The following HS2ST1 variants were observed in gnomAD, a reference collection of about 807,000 sequenced individuals.
The protein encoded by HS2ST1 is 2-O-sulfotransferase.
Under a neutral mutation model 42.9 loss-of-function variants are expected in HS2ST1, and 18 were observed. That is an observed-to-expected ratio of 0.42 (90% CI 0.29 to 0.62). The LOEUF is 0.62. Among genes scored for constraint, HS2ST1 ranks in the 20% least tolerant of loss-of-function variants. HS2ST1 has a pLI of 0.21. For missense variants in HS2ST1, 334 were observed against 433.8 expected (o/e 0.77, Z 2.04); for synonymous variants, 146 against 152.9 (o/e 0.95, Z 0.33).
At chr1:86,990,836 ATTT>A (rs55739816) in intron 1 of HS2ST1, among the ~76,000 whole-genome samples, 930 of 44,040 alleles carry the variant, frequency 0.021, 21 homozygotes, top group Middle Eastern at 0.05. Context: ...ATATATATAT[ATTT>A]TTTTTTTTTT....
chr1:87,044,819 C>G, intron 1 of HS2ST1: 1 of 609,704 alleles, frequency 1.6e-6, no homozygotes, highest in Non-Finnish European at 2.8e-6. Flanking sequence ...GAATCATTTT[C>G]AAGTCACTGG....
chr1:87,012,340 G>C (rs996227799), intron 1 of HS2ST1, among the ~76,000 whole-genome samples: 3 of 152,088 alleles, frequency 2.0e-5, no homozygotes, highest in African/African-American at 7.2e-5. Flanking sequence ...AAGGTGAAGG[G>C]GAAGCAAGAC....
intron 1 of HS2ST1, among the ~76,000 whole-genome samples, chr1:87,044,084 A>ACTAG (rs1650584643): frequency 6.6e-6 from 1 of 152,114 alleles, no homozygotes; most frequent in Admixed American, 6.6e-5. Context: ...GGTAGTAAAT[A>ACTAG]CTAGCACTAT....
intron 1 of HS2ST1, among the ~76,000 whole-genome samples, chr1:86,955,247 T>C (rs1429030508): frequency 6.6e-6 from 1 of 152,188 alleles, no homozygotes; most frequent in Non-Finnish European, 1.5e-5. Context: ...ATAGGGAATA[T>C]TGAGTCATGT....
At chr1:86,930,349 A>T (rs1426242239) in intron 1 of HS2ST1, among the ~76,000 whole-genome samples, 1 of 151,932 alleles carries the variant, frequency 6.6e-6, no homozygotes, top group African/African-American at 2.4e-5. Context: ...ATACCTTTAA[A>T]ACTTTAAAAA....
chr1:86,928,071 C>A (rs183555568), intron 1 of HS2ST1, among the ~76,000 whole-genome samples: 1 of 151,982 alleles, frequency 6.6e-6, no homozygotes, highest in African/African-American at 2.4e-5. Flanking sequence ...AAACTAACTG[C>A]GCAGCATAAA....
chr1:87,015,529 G>A (rs10873815), intron 1 of HS2ST1, among the ~76,000 whole-genome samples: 105,522 of 151,284 alleles, frequency 0.7, 39,020 homozygotes, highest in East Asian at 0.97. Flanking sequence ...TATTTTTAGT[G>A]GAGACAGGGT....
At chr1:87,099,453 G>A (rs1271584369) in intron 5 of HS2ST1, among the ~76,000 whole-genome samples, 7 of 152,134 alleles carry the variant, frequency 4.6e-5, no homozygotes, top group Non-Finnish European at 8.8e-5. Context: ...TGAACTGAGC[G>A]AGAGCTCAGT....
chr1:86,950,965 C>T (rs910960598), intron 1 of HS2ST1, among the ~76,000 whole-genome samples: 1 of 152,026 alleles, frequency 6.6e-6, no homozygotes, highest in Admixed American at 6.5e-5. Flanking sequence ...CAGTCCTTTC[C>T]AGAGAAATTG....
At chr1:86,940,046 C>A (rs553720505) in intron 1 of HS2ST1, among the ~76,000 whole-genome samples, 1 of 152,236 alleles carries the variant, frequency 6.6e-6, no homozygotes, top group Admixed American at 6.5e-5. Context: ...AGTGTGCCTT[C>A]TAGGTTTTTT....
At chr1:87,031,285 G>C (rs561116895) in intron 1 of HS2ST1, among the ~76,000 whole-genome samples, 1 of 152,144 alleles carries the variant, frequency 6.6e-6, no homozygotes, top group Non-Finnish European at 1.5e-5. Context: ...GCCTATATCC[G>C]TGGAAATACT....
intron 1 of HS2ST1, among the ~76,000 whole-genome samples, chr1:86,948,266 C>A (rs1342660207): frequency 3.9e-5 from 6 of 152,018 alleles, no homozygotes; most frequent in Admixed American, 3.9e-4. Flanking sequence ...TTTGCTGGGG[C>A]TTTTTTCATT....
chr1:86,972,841 A>G (rs1361667566), intron 1 of HS2ST1, among the ~76,000 whole-genome samples: 1 of 152,206 alleles, frequency 6.6e-6, no homozygotes, highest in East Asian at 1.9e-4. Flanking sequence ...TGATCAGGAT[A>G]TAATCCAGGA....
chr1:86,979,604 T>C (rs753205016), intron 1 of HS2ST1, among the ~76,000 whole-genome samples: 10 of 152,260 alleles, frequency 6.6e-5, no homozygotes, highest in Non-Finnish European at 1.0e-4. Flanking sequence ...TCCATTCATC[T>C]ATTCACGGAC....
At chr1:86,961,051 CTG>C (rs1188026217) in intron 1 of HS2ST1, among the ~76,000 whole-genome samples, 9 of 151,892 alleles carry the variant, frequency 5.9e-5, no homozygotes, top group Non-Finnish European at 1.3e-4. Context: ...GATAAACAAA[CTG>C]TGGTACATCC....
Position 87,104,638 on chromosome 1 carries a change from A to G in HS2ST1, c.1013A>G (p.Asp338Gly). Reference protein sequence around the residue: ...RAHAVREKDGDLYILAQNFFY... With the variant: ...RAHAVREKDGGLYILAQNFFY... The stretch of plus-strand genomic sequence containing the variant: ...CATGCCGTTCGAGAAAAAGATGGAG[A>G]CCTCTACATCCTCGCACAAAACTTT... Residue 338 changes from aspartate to glycine, a missense_variant, in exon 7 of 7, where the codon GAC becomes GGC. Coordinates refer to ENST00000370550, the MANE Select transcript of HS2ST1 (RefSeq NM_012262.4). The G allele has an allele frequency of 6.2e-7, 1 of 1,613,584 alleles. No homozygotes were observed. Among genetic ancestry groups the G allele is most frequent in the Non-Finnish European group, 8.5e-7 (1 of 1,179,598 alleles).
At chr1:86,925,338 A>G (rs1193165193) in intron 1 of HS2ST1, among the ~76,000 whole-genome samples, 1 of 152,092 alleles carries the variant, frequency 6.6e-6, no homozygotes, top group African/African-American at 2.4e-5. Flanking sequence ...ACCTCTGCCT[A>G]TTACCCAGTC....
At chr1:87,025,065 A>G (rs1650049544) in intron 1 of HS2ST1, among the ~76,000 whole-genome samples, 1 of 152,224 alleles carries the variant, frequency 6.6e-6, no homozygotes, top group African/African-American at 2.4e-5. Context: ...TCAGTGAGGG[A>G]CTATAACATA....
chr1:87,101,511 A>T (rs1195039855), intron 5 of HS2ST1, among the ~76,000 whole-genome samples: 1 of 152,082 alleles, frequency 6.6e-6, no homozygotes, highest in Non-Finnish European at 1.5e-5. Flanking sequence ...TAGAACTTGG[A>T]CACCACATAG....
Sources: gnomAD v4.1 joint callset for allele counts (sites outside exome capture counted in the v4.1 genomes callset) on GRCh38, gnomAD v4.1.1 for gene constraint, MANE v1.5 for transcripts, NCBI Gene and HGNC (gene_info 2026-07-23, HGNC 2026-07-21) for gene names.